The following RORA variants were observed in gnomAD, a reference collection of about 807,000 sequenced individuals.
RORA encodes the protein RAR related orphan receptor A, also known as nuclear receptor ROR-alpha.
A neutral mutation model predicts 69.5 loss-of-function variants in RORA; 7 were observed. That is an observed-to-expected ratio of 0.10 (90% CI 0.06 to 0.19). RORA has a LOEUF of 0.19. Ranked by LOEUF, RORA falls within the 10% of genes least tolerant of loss-of-function variation. The probability of loss-of-function intolerance (pLI) is 1.00; values close to 1 mark genes in which losing one functional copy is unlikely to be tolerated. For synonymous variants in RORA, 261 were observed against 240.8 expected (o/e 1.08, Z -0.78); for missense variants, 457 against 663.0 (o/e 0.69, Z 3.41).
chr15:60,885,763 T>C lies in RORA; in HGVS notation c.167-207077A>G, dbSNP rs571062435. On this transcript the variant is annotated intron_variant, in intron 1 of 10. Transcript: ENST00000335670. ...TAGCCTTGCCATTTGCTCTGCAGTA[T>C]ATAACTTTGGCAAACTACTAACTTC... Among the ~76,000 whole-genome samples the C allele has an allele frequency of 1.2e-4, 18 of 152,378 alleles. No individual in the cohort carries two copies. In the South Asian group the frequency reaches 3.3e-3, roughly 28 times the overall value.
In RORA at chr15:61,213,066, T is replaced by A. The variant is rs1441035337; in HGVS notation, c.166+15987A>T. ...CATTCCCCGCTGCCCATCAGATATG[T>A]CCCTGGAACTTCCAACTCAGCCCAT... On this transcript the variant is annotated intron_variant, in intron 1 of 10. Coordinates refer to ENST00000335670, the MANE Select transcript of RORA (RefSeq NM_134261.3). This position sits in a 1 kb window ranked among gnomAD's most constrained non-coding sequence, Gnocchi z 4.1. 1.3e-5 allele frequency among the ~76,000 whole-genome samples: 2 copies of A among 152,106 alleles called. No individual in the cohort carries two copies. Among genetic ancestry groups the A allele is most frequent in the East Asian group, 1.9e-4 (1 of 5,174 alleles).
At chr15:60,938,406 T>G (rs1371278879) in intron 1 of RORA, among the ~76,000 whole-genome samples, 1 of 152,230 alleles carries the variant, frequency 6.6e-6, no homozygotes, top group African/African-American at 2.4e-5. Flanking sequence ...GAAGGTTGCA[T>G]GCTGTATTCA....
intron 1 of RORA, among the ~76,000 whole-genome samples, chr15:60,832,061 GTA>G (rs1344135528): frequency 1.3e-5 from 2 of 152,186 alleles, no homozygotes; most frequent in African/African-American, 2.4e-5. Context: ...AAAAAAATTT[GTA>G]TGTTATCGCA....
At chr15:60,632,886 A>G (rs1343873084) in intron 2 of RORA, among the ~76,000 whole-genome samples, 1 of 152,210 alleles carries the variant, frequency 6.6e-6, no homozygotes, top group Non-Finnish European at 1.5e-5. Context: ...AAAAGAAAAG[A>G]AAAGGAAATT....
intron 5 of RORA, among the ~76,000 whole-genome samples, chr15:60,508,317 A>G (rs78280589): frequency 0.016 from 2,381 of 152,324 alleles, 44 homozygotes; most frequent in East Asian, 0.078. Flanking sequence ...CAGCGCCTCG[A>G]TACTTCAGAT....
At chr15:60,892,354 T>A (rs1488876738) in intron 1 of RORA, among the ~76,000 whole-genome samples, 1 of 152,096 alleles carries the variant, frequency 6.6e-6, no homozygotes, top group Non-Finnish European at 1.5e-5. Context: ...TATTTTTAAC[T>A]TTTTTCCAGG....
intron 2 of RORA, among the ~76,000 whole-genome samples, chr15:60,618,092 T>C (rs1389640219): frequency 6.6e-6 from 1 of 152,226 alleles, no homozygotes; most frequent in Non-Finnish European, 1.5e-5. Context: ...GTTAAACAGA[T>C]GTTCTTTTAA....
intron 1 of RORA, among the ~76,000 whole-genome samples, chr15:61,156,181 T>G (rs2079440756): frequency 6.6e-6 from 1 of 152,004 alleles, no homozygotes; most frequent in Non-Finnish European, 1.5e-5. Context: ...TTTAAGAGCA[T>G]AAAGCAGAGG....
At chr15:60,958,578 A>G (rs1893334233) in intron 1 of RORA, among the ~76,000 whole-genome samples, 1 of 152,200 alleles carries the variant, frequency 6.6e-6, no homozygotes, top group Non-Finnish European at 1.5e-5. Flanking sequence ...CCCTGTTTTA[A>G]AAATGAGGAA....
At chr15:61,093,627 C>T (rs1227112698) in intron 1 of RORA, among the ~76,000 whole-genome samples, 2 of 152,242 alleles carry the variant, frequency 1.3e-5, no homozygotes, top group Non-Finnish European at 2.9e-5. Flanking sequence ...AGTAAGCATG[C>T]TCATCTGGAC....
chr15:60,874,813 T>C (rs184588232), intron 1 of RORA, among the ~76,000 whole-genome samples: 5 of 152,314 alleles, frequency 3.3e-5, no homozygotes, highest in South Asian at 2.1e-4. Context: ...CCTGCTAGTG[T>C]ACAAATTCTG....
intron 1 of RORA, among the ~76,000 whole-genome samples, chr15:61,200,953 A>C (rs2079890600): frequency 6.6e-6 from 1 of 152,248 alleles, no homozygotes; most frequent in African/African-American, 2.4e-5. Context: ...TTGAGACCAG[A>C]AAGCGGAAGC....
chr15:60,586,790 G>C (rs758966726), intron 2 of RORA, among the ~76,000 whole-genome samples: 1 of 152,096 alleles, frequency 6.6e-6, no homozygotes, highest in Non-Finnish European at 1.5e-5. Flanking sequence ...TTTCGTCTGA[G>C]ACTGAAATAA....
intron 2 of RORA, among the ~76,000 whole-genome samples, chr15:60,630,884 C>CTTTT (rs1596080115): frequency 1.4e-5 from 1 of 70,202 alleles, no homozygotes; most frequent in South Asian, 4.5e-4. Flanking sequence ...CAGGATGAGA[C>CTTTT]TTTCTTTTTT....
intron 1 of RORA, among the ~76,000 whole-genome samples, chr15:61,142,490 G>C (rs1392231006): frequency 6.6e-6 from 1 of 152,110 alleles, no homozygotes; most frequent in Non-Finnish European, 1.5e-5. Flanking sequence ...TTTCAGGAAA[G>C]AAAACTTTTA....
At chr15:61,004,781 A>T (rs1055083178) in intron 1 of RORA, among the ~76,000 whole-genome samples, 6 of 152,218 alleles carry the variant, frequency 3.9e-5, no homozygotes, top group African/African-American at 1.4e-4. Flanking sequence ...AGATTTTTTA[A>T]AGTGTAAAGA....
chr15:61,136,201 A>G (rs2079238904), intron 1 of RORA, among the ~76,000 whole-genome samples: 2 of 138,370 alleles, frequency 1.4e-5, no homozygotes, highest in Admixed American at 1.5e-4. Context: ...ATTACCACCC[A>G]CCCTCCCATC....
chr15:60,597,587 T>TATATAC (rs2068712387), intron 2 of RORA, among the ~76,000 whole-genome samples: 1 of 22,628 alleles, frequency 4.4e-5, no homozygotes, highest in Non-Finnish European at 8.0e-5. Context: ...CATATATATA[T>TATATAC]ATATATACAC....
chr15:60,766,386 G>A (rs1014610431), intron 1 of RORA, among the ~76,000 whole-genome samples: 1 of 152,062 alleles, frequency 6.6e-6, no homozygotes, highest in African/African-American at 2.4e-5. Flanking sequence ...AAAAGCCTTC[G>A]ACAGAATATA....
Sources: allele counts gnomAD v4.1 joint callset (sites outside exome capture counted in the v4.1 genomes callset), GRCh38; gene constraint gnomAD v4.1.1; non-coding constraint Gnocchi (gnomAD v3.1); transcripts MANE v1.5; gene names NCBI Gene and HGNC (gene_info 2026-07-23, HGNC 2026-07-21).